Variants in TBC1D5 observed in about 807,000 individuals in gnomAD.
TBC1D5 encodes TBC1 domain family, member 5.
TBC1D5 carries 75 observed loss-of-function variants against 100.3 expected under a neutral mutation model. The observed-to-expected ratio is 0.75, with a 90% CI of 0.62 to 0.91. TBC1D5 has a LOEUF of 0.91. TBC1D5 is among the 40% of genes least tolerant of loss of function. TBC1D5 has a pLI of 0.00. For synonymous variants in TBC1D5, 323 were observed against 325.6 expected (o/e 0.99, Z 0.09); for missense variants, 910 against 942.4 (o/e 0.97, Z 0.45).
intron 13 of TBC1D5, among the ~76,000 whole-genome samples, chr3:17,335,823 T>C (rs2087670088): frequency 6.6e-6 from 1 of 152,116 alleles, no homozygotes; most frequent in Non-Finnish European, 1.5e-5. Flanking sequence ...AGAGACAAAG[T>C]ATATATTCAT....
At chr3:17,301,150 GTATGT>G (rs1236163246) in intron 14 of TBC1D5, among the ~76,000 whole-genome samples, 1 of 151,226 alleles carries the variant, frequency 6.6e-6, no homozygotes, top group East Asian at 1.9e-4. Context: ...CAAATAAAAG[GTATGT>G]TATGTTTAAA....
chr3:17,575,740 A>G (rs1221847574), intron 2 of TBC1D5, among the ~76,000 whole-genome samples: 1 of 152,116 alleles, frequency 6.6e-6, no homozygotes, highest in African/African-American at 2.4e-5. Context: ...TTTACTTTGG[A>G]GGGTAATATG....
chr3:17,434,943 AG>A (rs1188858261), intron 3 of TBC1D5, among the ~76,000 whole-genome samples: 8 of 152,160 alleles, frequency 5.3e-5, no homozygotes, highest in Non-Finnish European at 1.2e-4. Context: ...TCAAGTGCAA[AG>A]TTTCACCGAT....
intron 2 of TBC1D5, among the ~76,000 whole-genome samples, chr3:17,556,694 C>T (rs1402762069): frequency 2.0e-5 from 3 of 152,144 alleles, no homozygotes; most frequent in Non-Finnish European, 4.4e-5. Flanking sequence ...AACTCATTTT[C>T]AAATTTTGAT....
At chr3:17,470,204 C>T (rs772999574) in intron 3 of TBC1D5, among the ~76,000 whole-genome samples, 1 of 152,176 alleles carries the variant, frequency 6.6e-6, no homozygotes, top group Non-Finnish European at 1.5e-5. Context: ...TTTAGGCTGT[C>T]CTACAAAATC....
chr3:17,740,335 C>CAA (rs1174350155), exon 1 of TBC1D5: 6 of 116,726 alleles, frequency 5.1e-5, no homozygotes, highest in Non-Finnish European at 5.5e-5. Flanking sequence ...GAGTCCGTCT[C>CAA]AAAAAAAAAA....
chr3:17,161,013 C>T lies in TBC1D5; in HGVS notation c.2338G>A (p.Asp780Asn), dbSNP rs758051645. The T allele has an allele frequency of 5.1e-5, 83 of 1,614,048 alleles. No individual in the cohort carries two copies. Among genetic ancestry groups the T allele is most frequent in the East Asian group, 2.2e-4 (10 of 44,878 alleles). Residue 780 changes from aspartate to asparagine, a missense_variant, in exon 22 of 22, where the codon GAC (aspartate) becomes AAC (asparagine). Asp to Asn is a conservative substitution (Grantham distance 23). Transcript: ENST00000253692. ...GTGAAGCCAGAGTCCTTGCTGCTGTCGTCATCAGGACTGGAGCTGGGGTTG... is the reference window on the plus strand; with the variant it reads ...GTGAAGCCAGAGTCCTTGCTGCTGTTGTCATCAGGACTGGAGCTGGGGTTG...
At chr3:17,591,613 C>T (rs2096772428) in intron 2 of TBC1D5, among the ~76,000 whole-genome samples, 1 of 152,126 alleles carries the variant, frequency 6.6e-6, no homozygotes, top group Non-Finnish European at 1.5e-5. Flanking sequence ...AGTTTCAGCT[C>T]AAGTCCGACC....
intron 14 of TBC1D5, among the ~76,000 whole-genome samples, chr3:17,293,182 G>A (rs1181896431): frequency 6.6e-6 from 1 of 151,986 alleles, no homozygotes; most frequent in Non-Finnish European, 1.5e-5. Flanking sequence ...TACCCTTTCT[G>A]TGTCTGTTCA....
chr3:17,471,574 G>C (rs372516994), intron 3 of TBC1D5, among the ~76,000 whole-genome samples: 1 of 131,540 alleles, frequency 7.6e-6, no homozygotes, highest in African/African-American at 3.8e-5. Flanking sequence ...AATCAAAATA[G>C]GCAGGAGAAT....
chr3:17,195,250 G>C (rs1303737890), intron 18 of TBC1D5, among the ~76,000 whole-genome samples: 1 of 152,080 alleles, frequency 6.6e-6, no homozygotes, highest in Non-Finnish European at 1.5e-5. Flanking sequence ...TTTATAATTA[G>C]GCAACCTGAC....
Position 17,166,757 on chromosome 3 carries a change from G to A in TBC1D5, c.2094+10C>T. ...GAGTTAATGTAACATGTTCCTCAGA[G>A]TTTCTGTACCTGTTTAATGGCCCCT... On this transcript the variant is annotated intron_variant, in intron 21 of 21. Coordinates refer to ENST00000253692, the Ensembl canonical transcript of TBC1D5. 6.3e-7 allele frequency: 1 copy of A among 1,599,690 alleles called. No homozygotes were observed. The highest frequency in any genetic ancestry group is 8.5e-7 in the Non-Finnish European group (1 of 1,175,320).
At chr3:17,464,083 C>G (rs1307992969) in intron 3 of TBC1D5, among the ~76,000 whole-genome samples, 1 of 151,596 alleles carries the variant, frequency 6.6e-6, no homozygotes, top group East Asian at 1.9e-4. Flanking sequence ...TTCCAAGTAG[C>G]TGGGATTACA....
intron 13 of TBC1D5, among the ~76,000 whole-genome samples, chr3:17,336,750 C>A (rs1194449740): frequency 6.6e-6 from 1 of 151,446 alleles, no homozygotes; most frequent in Non-Finnish European, 1.5e-5. Context: ...AAACACAACC[C>A]AAAAAACTCC....
intron 18 of TBC1D5, among the ~76,000 whole-genome samples, chr3:17,190,900 G>A (rs2069795075): frequency 6.6e-6 from 1 of 152,118 alleles, no homozygotes. Context: ...TTGAGCAGAT[G>A]GGTGAACAAG....
At chr3:17,603,440 C>T (rs979861923) in intron 2 of TBC1D5, among the ~76,000 whole-genome samples, 1 of 152,142 alleles carries the variant, frequency 6.6e-6, no homozygotes, top group African/African-American at 2.4e-5. Context: ...GTAAAAGACA[C>T]TCTCACCAGT....
chr3:17,395,689 T>A (rs760299094), intron 8 of TBC1D5, among the ~76,000 whole-genome samples: 14 of 152,242 alleles, frequency 9.2e-5, no homozygotes, highest in Non-Finnish European at 1.8e-4. Flanking sequence ...TTTCAGAGGG[T>A]ACCCCTATAA....
intron 3 of TBC1D5, among the ~76,000 whole-genome samples, chr3:17,485,458 G>A (rs1344596621): frequency 1.3e-4 from 20 of 150,582 alleles, no homozygotes; most frequent in East Asian, 3.9e-4. Context: ...AGCATTAGGT[G>A]TATCTCCTAA....
At chr3:17,557,322 A>G (rs1440904593) in intron 2 of TBC1D5, among the ~76,000 whole-genome samples, 1 of 152,208 alleles carries the variant, frequency 6.6e-6, no homozygotes, top group Non-Finnish European at 1.5e-5. Flanking sequence ...TCTCAGAGCT[A>G]TTTTGCCACA....
Sources: allele counts gnomAD v4.1 joint callset (sites outside exome capture counted in the v4.1 genomes callset), GRCh38; gene constraint gnomAD v4.1.1; transcripts MANE v1.5; gene names NCBI Gene and HGNC (gene_info 2026-07-23, HGNC 2026-07-21).